Variants in SMC2 observed in about 807,000 individuals in gnomAD.
SMC2 encodes the protein structural maintenance of chromosomes 2.
Under a neutral mutation model 142.6 loss-of-function variants are expected in SMC2, and 41 were observed. The observed-to-expected ratio is 0.29, with a 90% confidence interval of 0.22 to 0.37. The LOEUF (loss-of-function observed/expected upper bound fraction) is 0.37. SMC2 is among the 10% of genes least tolerant of loss of function. The probability of loss-of-function intolerance (pLI) is 1.00; values close to 1 mark genes in which losing one functional copy is unlikely to be tolerated. For missense variants in SMC2, 1,265 were observed against 1,373.7 expected (o/e 0.92, Z 1.25); for synonymous variants, 463 against 457.5 (o/e 1.01, Z -0.15).
chr9:104,139,340 G>T lies in SMC2; in HGVS notation c.*25G>T. On this transcript the variant is annotated 3_prime_UTR_variant, in exon 25 of 25. Transcript: ENST00000374793. ...AACTACAAAGTTATTTCTTCATCTTGACCTGTTTTTTTAAATGTAAACTTT... is the reference window on the plus strand; with the variant it reads ...AACTACAAAGTTATTTCTTCATCTTTACCTGTTTTTTTAAATGTAAACTTT... 1 of 1,544,318 alleles carries T rather than the reference G, an allele frequency of 6.5e-7. No individual in the cohort carries two copies. Among genetic ancestry groups the T allele is most frequent in the South Asian group, 1.3e-5 (1 of 79,222 alleles).
intron 1 of SMC2, 23 bp from the exon 2 acceptor site, chr9:104,095,300 TG>T: frequency 1.9e-6 from 2 of 1,036,028 alleles, no homozygotes; most frequent in Non-Finnish European, 2.9e-6. Context: ...TCCACTTAGG[TG>T]GTGGTATTTC....
At chr9:104,110,614 A>G (rs936411109) in intron 9 of SMC2, among the ~76,000 whole-genome samples, 2 of 31,564 alleles carry the variant, frequency 6.3e-5, no homozygotes, top group African/African-American at 8.3e-4. Context: ...AATTGAATCT[A>G]AGTCTTTATT....
chr9:104,104,645 G>A (rs1831543570), intron 9 of SMC2, among the ~76,000 whole-genome samples: 1 of 152,202 alleles, frequency 6.6e-6, no homozygotes, highest in South Asian at 2.1e-4. Flanking sequence ...GTAAGCCAGG[G>A]AGGGAAGAAC....
intron 8 of SMC2, 58 bp from the exon 9 acceptor site, chr9:104,102,366 A>G (rs1379545510): frequency 6.7e-7 from 1 of 1,485,312 alleles, no homozygotes; most frequent in African/African-American, 1.4e-5. Context: ...TCATACAATA[A>G]AATGACAGCG....
chr9:104,094,757 C>T lies in SMC2; in HGVS notation c.-62+280C>T, dbSNP rs192083979. On this transcript the variant is annotated intron_variant, in intron 1 of 24. Transcript: ENST00000374793. Reference sequence around the variant, plus strand: ...TCATCTCTAGTAAATACTTAAATGACTTCCCCTCCTCCCGGAGTCAAGCAC... The same window carrying T: ...TCATCTCTAGTAAATACTTAAATGATTTCCCCTCCTCCCGGAGTCAAGCAC... 2.5e-3 allele frequency: 600 copies of T among 235,616 alleles called. 2 individuals carry two copies. The highest frequency in any genetic ancestry group is 5.1e-3 in the South Asian group (29 of 5,656). The allele number at this position is 235,616 out of a possible 1,614,324, so 14.6% of individuals were successfully genotyped here.
In SMC2 at chr9:104,100,107, A is replaced by G. The variant is rs182149326; in HGVS notation, c.495A>G (p.Ile165Met). 3.8e-6 allele frequency: 6 copies of G among 1,564,042 alleles called. No homozygotes were observed. The East Asian group carries it at 1.1e-4, about 29-fold the overall frequency. Residue 165 changes from isoleucine to methionine, a missense_variant, in exon 6 of 25, where the codon ATA becomes ATG. Transcript: ENST00000374793. Reference protein sequence around the residue: ...NMKPPEILSMIEEAAGTRMYE... With the variant: ...NMKPPEILSMMEEAAGTRMYE... ...TGTCATTCCAGATTTTATCCATGAT[A>G]GAAGAAGCAGCTGGAACCAGGATGT...
In SMC2 at chr9:104,101,941, T is replaced by G. The variant is rs1194217869; in HGVS notation, c.637-19T>G. On this transcript the variant is annotated intron_variant, in intron 7 of 24. Transcript: ENST00000374793. ...TAATACAATTTTGAGTTATTCTTTTTTTGTGATTTCTCTTTCAGGAAAGAT... is the reference window on the plus strand; with the variant it reads ...TAATACAATTTTGAGTTATTCTTTTGTTGTGATTTCTCTTTCAGGAAAGAT... 6.9e-7 allele frequency: 1 copy of G among 1,445,320 alleles called. No individual in the cohort carries two copies. Among genetic ancestry groups the G allele is most frequent in the Admixed American group, 2.1e-5 (1 of 47,208 alleles). The allele number at this position is 1,445,320 out of a possible 1,614,324, so 89.5% of individuals were successfully genotyped here.
At position 104,140,745 on chromosome 9, in the gene SMC2, T is replaced by C. The variant is rs1835991132; in HGVS notation, c.*1430T>C. The C allele has an allele frequency of 6.6e-6, 1 of 152,648 alleles. No homozygotes were observed. The highest frequency in any genetic ancestry group is 1.5e-5 in the Non-Finnish European group (1 of 68,038). 9.5% of individuals were successfully genotyped at this position (152,648 alleles called of 1,614,324 possible). A position where few individuals can be genotyped will look rare whatever the true frequency, so the allele number is the denominator to read the frequency against. On this transcript the variant is annotated 3_prime_UTR_variant, in exon 25 of 25. Transcript: ENST00000374793. ...TATAGTTTTTTTGTTTCCTTTCAAATGTATTACAGACTGTGCCAAAACAGT... is the reference window on the plus strand; with the variant it reads ...TATAGTTTTTTTGTTTCCTTTCAAACGTATTACAGACTGTGCCAAAACAGT...
At chr9:104,100,349 A>G in intron 6 of SMC2, 40 bp from the exon 7 acceptor site, 5 of 1,490,238 alleles carry the variant, frequency 3.4e-6, no homozygotes, top group Non-Finnish European at 4.6e-6. Flanking sequence ...TTTTAATGAT[A>G]CTTTACATGC....
chr9:104,136,028 C>A, intron 23 of SMC2: 2 of 446,748 alleles, frequency 4.5e-6, no homozygotes, highest in Non-Finnish European at 4.4e-6. Context: ...CACAGTGATT[C>A]AGAAAATCAG....
intron 16 of SMC2, among the ~76,000 whole-genome samples, chr9:104,121,239 T>C (rs1185845245): frequency 6.6e-6 from 1 of 152,188 alleles, no homozygotes; most frequent in Non-Finnish European, 1.5e-5. Flanking sequence ...ACACCTGTAA[T>C]CGCAGCACTT....
upstream of SMC2, among the ~76,000 whole-genome samples, chr9:104,090,182 A>G (rs1169624515): frequency 2.0e-5 from 3 of 152,218 alleles, no homozygotes; most frequent in African/African-American, 7.2e-5. Flanking sequence ...TTATTGTTCT[A>G]TAAACCATAT....
In SMC2 at chr9:104,139,429, A is replaced by G; in HGVS notation, c.*114A>G. On this transcript the variant is annotated 3_prime_UTR_variant, in exon 25 of 25. Transcript: ENST00000374793. ...TTAATGTTACTGTGTTACTTAACCC[A>G]TGTTTTCTCTTTATATAATCACTTA... 3.8e-6 allele frequency: 3 copies of G among 793,090 alleles called. No homozygotes were observed. Among genetic ancestry groups the G allele is most frequent in the South Asian group, 2.0e-5 (1 of 49,060 alleles). 49.1% of individuals were successfully genotyped at this position (793,090 alleles called of 1,614,324 possible).
At chr9:104,123,806 G>A (rs944340541) in intron 17 of SMC2, among the ~76,000 whole-genome samples, 2 of 152,128 alleles carry the variant, frequency 1.3e-5, no homozygotes, top group African/African-American at 4.8e-5. Context: ...TTTTACAAAA[G>A]TTTTTAATAT....
chr9:104,116,357 C>T (rs767369025), intron 14 of SMC2, 38 bp downstream of exon 14: 1 of 1,547,666 alleles, frequency 6.5e-7, no homozygotes. Flanking sequence ...GTTTAATCGT[C>T]ATCTGTGGTT....
intron 9 of SMC2, among the ~76,000 whole-genome samples, chr9:104,107,633 G>A (rs895840553): frequency 6.6e-5 from 10 of 152,188 alleles, no homozygotes; most frequent in Non-Finnish European, 1.5e-4. Context: ...CAGCTGTGGG[G>A]CTTCTTTTTC....
In SMC2 at chr9:104,094,344, C is replaced by T. The variant is rs529373284; in HGVS notation, c.-195C>T. ...ATAGTTCCGGCGCGGGTGTTGAGAG[C>T]GGTGTGGCAGGTGTTGTAGCCGCTA... On this transcript the variant is annotated 5_prime_UTR_variant, in exon 1 of 25. Coordinates refer to ENST00000374793, the MANE Select transcript of SMC2 (RefSeq NM_006444.3). The T allele has an allele frequency of 1.5e-5, 6 of 398,644 alleles. No homozygotes were observed. The highest frequency in any genetic ancestry group is 2.2e-5 in the Non-Finnish European group (5 of 226,188). The allele number at this position is 398,644 out of a possible 1,614,324, so 24.7% of individuals were successfully genotyped here.
At chr9:104,130,178 G>C (rs1331375639) in intron 21 of SMC2, among the ~76,000 whole-genome samples, 1 of 152,044 alleles carries the variant, frequency 6.6e-6, no homozygotes, top group African/African-American at 2.4e-5. Flanking sequence ...TGACTCTACT[G>C]TATACTGAAA....
rs141746026 is a variant in SMC2, at chr9:104,105,497, G to A, written c.1020+2924G>A. Reference sequence around the variant, plus strand: ...CATTGGCGTTTGCCAGCTAAATCTCGTTAGTGGTATAGTTACATAAGTTCA... The same window carrying A: ...CATTGGCGTTTGCCAGCTAAATCTCATTAGTGGTATAGTTACATAAGTTCA... On this transcript the variant is annotated intron_variant, in intron 9 of 24. Coordinates refer to ENST00000374793, the MANE Select transcript of SMC2 (RefSeq NM_006444.3). Among the ~76,000 whole-genome samples the A allele has an allele frequency of 1.9e-3, 283 of 152,198 alleles. 3 individuals carry two copies. In the South Asian group the frequency reaches 0.019, roughly 10 times the overall value.
Sources: gnomAD v4.1 joint callset for allele counts (sites outside exome capture counted in the v4.1 genomes callset) on GRCh38, gnomAD v4.1.1 for gene constraint, MANE v1.5 for transcripts, NCBI Gene and HGNC (gene_info 2026-07-23, HGNC 2026-07-21) for gene names.